The following LRP11 variants were observed in gnomAD, a reference collection of about 807,000 sequenced individuals.
LRP11 encodes the protein low-density lipoprotein receptor-related protein 11.
LRP11 carries 25 observed loss-of-function variants against 43.1 expected under a neutral mutation model. That is an observed-to-expected ratio of 0.58 (90% confidence interval 0.42 to 0.81). The LOEUF (loss-of-function observed/expected upper bound fraction) is 0.81. LRP11 is among the 30% of genes least tolerant of loss of function. The pLI, the probability that LRP11 is intolerant of heterozygous loss-of-function variation, is 0.00. For missense variants in LRP11, 623 were observed against 665.1 expected (o/e 0.94, Z 0.70); for synonymous variants, 316 against 299.4 (o/e 1.06, Z -0.57).
intron 1 of LRP11, among the ~76,000 whole-genome samples, chr6:149,855,151 TG>T (rs1776779776): frequency 6.6e-6 from 1 of 152,180 alleles, no homozygotes; most frequent in Admixed American, 6.5e-5. Flanking sequence ...AACCCTTTCC[TG>T]TAATTCTGAT....
Position 149,863,865 on chromosome 6 carries a change from C to T in LRP11, c.156G>A (p.Leu52=). 6.6e-7 allele frequency: 1 copy of T among 1,507,916 alleles called. No individual in the cohort carries two copies. Among genetic ancestry groups the T allele is most frequent in the African/African-American group, 1.4e-5 (1 of 69,190 alleles). 93.4% of individuals were successfully genotyped at this position (1,507,916 alleles called of 1,614,324 possible). Residue 52 remains leucine, a synonymous_variant, in exon 1 of 7, where the codon CTG becomes CTA. Transcript: ENST00000239367. ...AAPLSELHAQ[L]SGVEQLLEEF... The stretch of plus-strand genomic sequence containing the variant: ...CCTCCAGCAGCTGCTCCACGCCCGA[C>T]AGCTGCGCGTGCAGTTCGGACAGCG...
In LRP11 at chr6:149,864,036, G is replaced by C. The variant is rs1326810664; in HGVS notation, c.-16C>G. The C allele has an allele frequency of 6.8e-6, 9 of 1,317,184 alleles. No individual in the cohort carries two copies. The highest frequency in any genetic ancestry group is 6.7e-6 in the Non-Finnish European group (7 of 1,040,268). 81.6% of individuals were successfully genotyped at this position (1,317,184 alleles called of 1,614,324 possible). A position where few individuals can be genotyped will look rare whatever the true frequency, so the allele number is the denominator to read the frequency against. On this transcript the variant is annotated 5_prime_UTR_variant, in exon 1 of 7. Transcript: ENST00000239367. Reference sequence around the variant, plus strand: ...CGGAGGCCATGGCGACGAGAGCCAAGGGCAGCGAGCCGAGGCGGGGCTGAG... The same window carrying C: ...CGGAGGCCATGGCGACGAGAGCCAACGGCAGCGAGCCGAGGCGGGGCTGAG...
In LRP11 at chr6:149,863,619, G is replaced by C; in HGVS notation, c.402C>G (p.Cys134Trp). Residue 134 changes from cysteine to tryptophan, a missense_variant, in exon 1 of 7, where the codon TGC becomes TGG. Transcript: ENST00000239367. ...CCACGGAGCAGCGCGGCTCGGAGCA[G>C]CAGGCCGCCACGCATTGCCGCCAGC... ...VRGWRQCVAA[C>W]CSEPRCSVAV... 2 of 1,466,954 alleles carry C rather than the reference G, an allele frequency of 1.4e-6. No individual in the cohort carries two copies. Among genetic ancestry groups the C allele is most frequent in the Non-Finnish European group, 1.8e-6 (2 of 1,116,174 alleles). 90.9% of individuals were successfully genotyped at this position (1,466,954 alleles called of 1,614,324 possible).
intron 3 of LRP11, among the ~76,000 whole-genome samples, chr6:149,838,213 C>T (rs571204959): frequency 7.2e-5 from 11 of 152,034 alleles, no homozygotes; most frequent in African/African-American, 2.7e-4. Context: ...GCCACCGTGC[C>T]TGGCCCAGAG....
chr6:149,841,967 A>C (rs947790491), intron 3 of LRP11, among the ~76,000 whole-genome samples: 9 of 152,192 alleles, frequency 5.9e-5, no homozygotes, highest in African/African-American at 2.2e-4. Context: ...AGATGAATGA[A>C]ATAAGTTTTA....
chr6:149,841,326 T>C (rs768924552), intron 3 of LRP11, among the ~76,000 whole-genome samples: 132 of 152,294 alleles, frequency 8.7e-4, no homozygotes, highest in African/African-American at 3.1e-3. Context: ...GAGTATTGAA[T>C]ACTGAGAATT....
At chr6:149,855,690 A>C (rs970443741) in intron 1 of LRP11, among the ~76,000 whole-genome samples, 2 of 139,662 alleles carry the variant, frequency 1.4e-5, no homozygotes, top group African/African-American at 5.5e-5. Context: ...CCACAAAGGG[A>C]AGATGCCTTT....
Position 149,864,209 on chromosome 6 carries a change from A to G in LRP11, c.-189T>C. The G allele has an allele frequency of 4.5e-6, 5 of 1,114,694 alleles. No homozygotes were observed. The highest frequency in any genetic ancestry group is 5.5e-6 in the Non-Finnish European group (5 of 914,558). The allele number at this position is 1,114,694 out of a possible 1,614,324, so 69.1% of individuals were successfully genotyped here. A position where few individuals can be genotyped will look rare whatever the true frequency, so the allele number is the denominator to read the frequency against. On this transcript the variant is annotated 5_prime_UTR_variant, in exon 1 of 7. Coordinates refer to ENST00000239367, the MANE Select transcript of LRP11 (RefSeq NM_032832.6). Reference sequence around the variant, plus strand: ...CGCGGGCGCCGGCGGGAACCGCAGTAGCGGGAGACATAGCCGGCCCAGCCG... The same window carrying G: ...CGCGGGCGCCGGCGGGAACCGCAGTGGCGGGAGACATAGCCGGCCCAGCCG...
At chr6:149,837,614 C>G in intron 3 of LRP11, 151 bp from the exon 4 acceptor site, 1 of 792,480 alleles carries the variant, frequency 1.3e-6, no homozygotes, top group African/African-American at 1.7e-5. Flanking sequence ...GCAACAGGTT[C>G]TGGAGAGGTT....
chr6:149,852,148 G>A (rs1033631141), intron 2 of LRP11, among the ~76,000 whole-genome samples: 1 of 152,190 alleles, frequency 6.6e-6, no homozygotes, highest in African/African-American at 2.4e-5. Flanking sequence ...CATACTGGAC[G>A]AGGGTGAGTC....
intron 1 of LRP11, among the ~76,000 whole-genome samples, chr6:149,856,885 GC>G (rs1410470398): frequency 6.6e-6 from 1 of 152,170 alleles, no homozygotes; most frequent in Non-Finnish European, 1.5e-5. Flanking sequence ...GGGTACGGAA[GC>G]GGGGCGAGAC....
chr6:149,844,837 T>C (rs1776608316), intron 2 of LRP11, among the ~76,000 whole-genome samples: 1 of 152,232 alleles, frequency 6.6e-6, no homozygotes, highest in Non-Finnish European at 1.5e-5. Flanking sequence ...ACCCATAGGA[T>C]GCTTTACAAT....
chr6:149,854,897 G>A lies in LRP11; in HGVS notation c.614-1737C>T, dbSNP rs561196249. 7.2e-5 allele frequency among the ~76,000 whole-genome samples: 11 copies of A among 152,332 alleles called. No individual in the cohort carries two copies. The South Asian group carries it at 2.1e-3, about 29-fold the overall frequency. On this transcript the variant is annotated intron_variant, in intron 1 of 6. Coordinates refer to ENST00000239367, the MANE Select transcript of LRP11 (RefSeq NM_032832.6). ...GGGCTTACTGCAATCCCACCTCAGT[G>A]TCTCATTACGGAACAAAAGGTGACC...
chr6:149,839,664 T>C (rs989672820), intron 3 of LRP11, among the ~76,000 whole-genome samples: 5 of 152,244 alleles, frequency 3.3e-5, no homozygotes, highest in African/African-American at 1.2e-4. Context: ...TTTATTTATC[T>C]ATTTATTTGA....
At chr6:149,831,534 C>A (rs887621783) in intron 5 of LRP11, among the ~76,000 whole-genome samples, 3 of 152,238 alleles carry the variant, frequency 2.0e-5, no homozygotes, top group Non-Finnish European at 4.4e-5. Flanking sequence ...GAGCTCTGTG[C>A]TCCTCCTGCC....
At chr6:149,825,741 G>A (rs984907527) in intron 6 of LRP11, among the ~76,000 whole-genome samples, 4 of 150,172 alleles carry the variant, frequency 2.7e-5, no homozygotes, top group South Asian at 2.1e-4. Flanking sequence ...CTGCAGCCTC[G>A]ACCTCCCAGG....
intron 6 of LRP11, among the ~76,000 whole-genome samples, chr6:149,825,080 G>T (rs9478848): frequency 0.5 from 76,385 of 151,978 alleles, 21,283 homozygotes; most frequent in East Asian, 0.83. Context: ...GACATCTGGA[G>T]TATTCTTAGC....
rs753210911 is a variant in LRP11 at position 149,837,324 on chromosome 6, C to T, written c.1039+14G>A. On this transcript the variant is annotated intron_variant, in intron 4 of 6. Transcript: ENST00000239367. The stretch of plus-strand genomic sequence containing the variant: ...TTCCAGCCACTGCCTAGCAATGTGA[C>T]ATAGCCAACTCACGATTCTGGCAGA... 4 of 1,612,350 alleles carry T rather than the reference C, an allele frequency of 2.5e-6. No homozygotes were observed. Among genetic ancestry groups the T allele is most frequent in the Admixed American group, 1.7e-5 (1 of 59,890 alleles).
chr6:149,844,025 CG>C (rs1204647678), intron 2 of LRP11, among the ~76,000 whole-genome samples: 2 of 152,124 alleles, frequency 1.3e-5, no homozygotes, highest in Non-Finnish European at 2.9e-5. Context: ...GAGGCCAAGG[CG>C]GGCGGATGAT....
Sources: allele counts gnomAD v4.1 joint callset (sites outside exome capture counted in the v4.1 genomes callset), GRCh38; gene constraint gnomAD v4.1.1; transcripts MANE v1.5; gene names NCBI Gene and HGNC (gene_info 2026-07-23, HGNC 2026-07-21).